Variants in CNGB3 observed in about 807,000 individuals in gnomAD.
CNGB3 encodes cyclic nucleotide-gated channel beta-3.
CNGB3 carries 86 observed loss-of-function variants against 92.8 expected under a neutral mutation model. That is an observed-to-expected ratio of 0.93 (90% CI 0.78 to 1.11). The LOEUF (loss-of-function observed/expected upper bound fraction) is 1.11, where lower values mean the gene tolerates loss of function less well. Among genes scored for constraint, CNGB3 ranks in the 50% least tolerant of loss-of-function variants. CNGB3 has a pLI of 0.00. For missense variants in CNGB3, 1,026 were observed against 956.8 expected (o/e 1.07, Z -0.95); for synonymous variants, 333 against 332.7 (o/e 1.00, Z -0.01).
chr8:86,677,731 G>A (rs1329388753), intron 3 of CNGB3, among the ~76,000 whole-genome samples: 1 of 152,178 alleles, frequency 6.6e-6, no homozygotes, highest in African/African-American at 2.4e-5. Flanking sequence ...GGCATCTTAT[G>A]CTGCACATAA....
intron 3 of CNGB3, among the ~76,000 whole-genome samples, chr8:86,708,942 T>C (rs1824700630): frequency 6.6e-6 from 1 of 152,118 alleles, no homozygotes; most frequent in Non-Finnish European, 1.5e-5. Flanking sequence ...TAGGTAACTG[T>C]TTCGAATAAA....
rs538199247 is a variant in CNGB3 at position 86,594,177 on chromosome 8, C to T, written c.1781+9916G>A. 32 of 276,802 alleles carry T rather than the reference C, an allele frequency of 1.2e-4. No individual in the cohort carries two copies. In the East Asian group the frequency reaches 2.8e-3, roughly 24 times the overall value. 17.1% of individuals were successfully genotyped at this position (276,802 alleles called of 1,614,324 possible). Reference sequence around the variant, plus strand: ...ACGGGGAATGTGTCTCCAACGATCACCCACTGGGGCTCCCCCAACAGGGCC... The same window carrying T: ...ACGGGGAATGTGTCTCCAACGATCATCCACTGGGGCTCCCCCAACAGGGCC... On this transcript the variant is annotated intron_variant, in intron 15 of 17. Transcript: ENST00000320005.
intron 15 of CNGB3, among the ~76,000 whole-genome samples, chr8:86,601,233 TAACAGA>T (rs2131556576): frequency 6.6e-6 from 1 of 152,292 alleles, no homozygotes; most frequent in South Asian, 2.1e-4. Context: ...AATGACATTT[TAACAGA>T]AACAGAATGC....
chr8:86,613,266 T>C (rs1054213419), intron 13 of CNGB3, among the ~76,000 whole-genome samples: 79 of 152,252 alleles, frequency 5.2e-4, no homozygotes, highest in Non-Finnish European at 2.9e-5. Flanking sequence ...TAGGTTACCA[T>C]ATTTGCTAAA....
intron 3 of CNGB3, chr8:86,707,536 G>A (rs2131654456): frequency 6.5e-6 from 1 of 152,856 alleles, no homozygotes; most frequent in East Asian, 1.9e-4. Context: ...ACAGTGGCAG[G>A]AGCTGAGGTT....
chr8:86,676,795 G>A (rs1185435499), intron 3 of CNGB3, among the ~76,000 whole-genome samples: 1 of 152,118 alleles, frequency 6.6e-6, no homozygotes, highest in Non-Finnish European at 1.5e-5. Context: ...AGTAGGTTGG[G>A]CCCTCAATCC....
chr8:86,740,831 T>C (rs1825327897), intron 1 of CNGB3, among the ~76,000 whole-genome samples: 1 of 152,186 alleles, frequency 6.6e-6, no homozygotes, highest in African/African-American at 2.4e-5. Context: ...GTGGCTAGTT[T>C]ATATGAACGT....
rs781144217 is a variant in CNGB3 at position 86,632,765 on chromosome 8, C to T, written c.1307G>A (p.Ser436Asn). The change falls in exon 11 of 18, where the codon AGT (serine) becomes AAT (asparagine). Residue 436 changes from serine to asparagine, a missense_variant. Coordinates refer to ENST00000320005, the MANE Select transcript of CNGB3 (RefSeq NM_019098.5). Reference protein sequence around the residue: ...NFFSGVFVFSSLIGQMRDVIG... With the variant: ...NFFSGVFVFSNLIGQMRDVIG... ...TACTCAGCTTACCTGACCAATTAAA[C>T]TGGAGAACACAAAAACTCCAGAAAA... 1 of 1,613,094 alleles carries T rather than the reference C, an allele frequency of 6.2e-7. No individual in the cohort carries two copies. Among genetic ancestry groups the T allele is most frequent in the East Asian group, 2.2e-5 (1 of 44,766 alleles).
intron 6 of CNGB3, chr8:86,659,564 G>A: frequency 1.8e-6 from 1 of 566,456 alleles, no homozygotes; most frequent in Non-Finnish European, 3.4e-6. Flanking sequence ...TTGTATTTGT[G>A]TCTTCTTCTG....
chr8:86,652,539 A>G (rs1005096553), intron 7 of CNGB3, among the ~76,000 whole-genome samples: 1 of 152,018 alleles, frequency 6.6e-6, no homozygotes, highest in Non-Finnish European at 1.5e-5. Flanking sequence ...AAGTATTTTC[A>G]TTATATATGT....
intron 13 of CNGB3, among the ~76,000 whole-genome samples, chr8:86,620,770 G>A (rs1375289721): frequency 2.0e-5 from 3 of 152,076 alleles, no homozygotes; most frequent in Non-Finnish European, 4.4e-5. Context: ...GATGTAGGGT[G>A]GAGGATCACT....
chr8:86,588,732 C>T (rs1454538725), intron 15 of CNGB3, among the ~76,000 whole-genome samples: 66 of 149,818 alleles, frequency 4.4e-4, no homozygotes, highest in African/African-American at 1.2e-3. Context: ...CTGCTGGATT[C>T]GGTTTGCCAG....
intron 11 of CNGB3, among the ~76,000 whole-genome samples, chr8:86,630,045 C>T (rs1585979898): frequency 6.6e-6 from 1 of 152,134 alleles, no homozygotes; most frequent in South Asian, 2.1e-4. Context: ...GCTCAAATGG[C>T]TCTTTTTAAT....
chr8:86,711,631 A>T lies in CNGB3; in HGVS notation c.338+14900T>A, dbSNP rs373277401. Among the ~76,000 whole-genome samples, 10 of 152,160 alleles carry T rather than the reference A, an allele frequency of 6.6e-5. No homozygotes were observed. The South Asian group carries it at 2.1e-3, about 32-fold the overall frequency. ...ATAGGCTGGCTCCTCTCTCAGGGCCACTGCACACACTCATAAAATTTTTGT... is the reference window on the plus strand; with the variant it reads ...ATAGGCTGGCTCCTCTCTCAGGGCCTCTGCACACACTCATAAAATTTTTGT... On this transcript the variant is annotated intron_variant, in intron 3 of 17. Coordinates refer to ENST00000320005, the MANE Select transcript of CNGB3 (RefSeq NM_019098.5).
intron 6 of CNGB3, 143 bp from the exon 7 acceptor site, chr8:86,654,205 C>CA: frequency 1.5e-6 from 1 of 664,228 alleles, no homozygotes; most frequent in Non-Finnish European, 2.7e-6. Context: ...GGTATTAAAA[C>CA]AAAAAATGTT....
chr8:86,736,264 T>C (rs777399377), intron 2 of CNGB3, among the ~76,000 whole-genome samples: 1 of 152,170 alleles, frequency 6.6e-6, no homozygotes. Flanking sequence ...TAATTTTGCT[T>C]TTTCAAGACA....
intron 3 of CNGB3, among the ~76,000 whole-genome samples, chr8:86,723,084 C>T (rs1825000358): frequency 6.6e-6 from 1 of 152,090 alleles, no homozygotes; most frequent in African/African-American, 2.4e-5. Context: ...GTGTTCACTT[C>T]TGCCCATCTT....
At chr8:86,661,504 C>T (rs1823640112) in intron 6 of CNGB3, 7 of 646,828 alleles carry the variant, frequency 1.1e-5, no homozygotes, top group Non-Finnish European at 2.1e-5. Flanking sequence ...TGCACTGACC[C>T]AAACACCACA....
chr8:86,626,525 T>C (rs1432401512), intron 12 of CNGB3, among the ~76,000 whole-genome samples: 1 of 152,170 alleles, frequency 6.6e-6, no homozygotes, highest in Non-Finnish European at 1.5e-5. Context: ...TCACACCCAT[T>C]ATCTTATTTG....
Sources: allele counts gnomAD v4.1 joint callset (sites outside exome capture counted in the v4.1 genomes callset), GRCh38; gene constraint gnomAD v4.1.1; transcripts MANE v1.5; gene names NCBI Gene and HGNC (gene_info 2026-07-23, HGNC 2026-07-21).